Variants in COLGALT1 observed in about 807,000 individuals in gnomAD.
The protein encoded by COLGALT1 is procollagen galactosyltransferase 1.
COLGALT1 carries 43 observed loss-of-function variants against 60.8 expected under a neutral mutation model. The ratio of observed to expected loss-of-function variants is 0.71; its 90% CI spans 0.55 to 0.91. The LOEUF (loss-of-function observed/expected upper bound fraction) is 0.91, where lower values mean the gene tolerates loss of function less well. Among genes scored for constraint, COLGALT1 ranks in the 40% least tolerant of loss-of-function variants. COLGALT1 has a pLI of 0.00. For missense variants in COLGALT1, 845 were observed against 880.0 expected (o/e 0.96, Z 0.50); for synonymous variants, 369 against 374.2 (o/e 0.99, Z 0.16).
chr19:17,581,408 G>A lies in COLGALT1; in HGVS notation c.1833G>A (p.Gln611=), dbSNP rs756517543. ...AGGCCAAGAACTCGGACGTGCTCCA[G>A]TCCCCACTGGACAGTGCTGCCCGGG... ...SREAKNSDVL[Q]SPLDSAARDE... Residue 611 remains glutamine (Q), a synonymous_variant, in exon 12 of 12, where the codon CAG becomes CAA. Coordinates refer to ENST00000252599, the MANE Select transcript of COLGALT1 (RefSeq NM_024656.4). The A allele has an allele frequency of 1.7e-5, 28 of 1,611,310 alleles. No homozygotes were observed. In the South Asian group the frequency reaches 2.9e-4, roughly 16 times the overall value.
intron 6 of COLGALT1, among the ~76,000 whole-genome samples, chr19:17,574,434 G>A (rs185607409): frequency 7.3e-5 from 11 of 151,710 alleles, no homozygotes; most frequent in South Asian, 2.1e-4. Context: ...GGGTTCAAGC[G>A]ATTCCCCTGC....
chr19:17,579,709 G>A (rs1001311156), intron 10 of COLGALT1, 100 bp downstream of exon 10: 18 of 1,456,536 alleles, frequency 1.2e-5, no homozygotes, highest in Non-Finnish European at 1.7e-5. Flanking sequence ...CCTGGGGATG[G>A]GTCATGGCTT....
chr19:17,570,684 GC>G (rs1398992300), intron 5 of COLGALT1, among the ~76,000 whole-genome samples: 1 of 151,950 alleles, frequency 6.6e-6, no homozygotes, highest in African/African-American at 2.4e-5. Context: ...TCCTGCCTTA[GC>G]CTCCCTAGTA....
At position 17,581,909 on chromosome 19, in the gene COLGALT1, ATT is replaced by A. The variant is rs34244232; in HGVS notation, c.*483_*484del. 2.2e-3 allele frequency: 307 copies of A among 140,078 alleles called. No homozygotes were observed. The highest frequency in any genetic ancestry group is 0.01 in the South Asian group (48 of 4,788). 8.7% of individuals were successfully genotyped at this position (140,078 alleles called of 1,614,324 possible). A position where few individuals can be genotyped will look rare whatever the true frequency, so the allele number is the denominator to read the frequency against. ...GTTGGGTGCCATTCCAGGCTCTGGG[ATT>A]TTTTTTTTTTTTTTTTTAAGAGTAG... On this transcript the variant is annotated 3_prime_UTR_variant, in exon 12 of 12. Transcript: ENST00000252599.
chr19:17,577,007 G>GGGCCTGGGGTGAGGCCAGGGCTATGT, intron 6 of COLGALT1, 188 bp from the exon 7 acceptor site: 1 of 361,450 alleles, frequency 2.8e-6, no homozygotes, highest in Non-Finnish European at 5.1e-6. Flanking sequence ...CAGGGCTTTG[G>GGGCCTGGGGTGAGGCCAGGGCTATGT]GCTGCTGTGC....
At chr19:17,578,534 G>C (rs1030687516) in intron 9 of COLGALT1, among the ~76,000 whole-genome samples, 2 of 152,280 alleles carry the variant, frequency 1.3e-5, no homozygotes, top group African/African-American at 4.8e-5. Context: ...ATTGGAGGAG[G>C]GTGTCTGACT....
At chr19:17,564,062 C>CA (rs1178709209) in intron 3 of COLGALT1, among the ~76,000 whole-genome samples, 2 of 119,728 alleles carry the variant, frequency 1.7e-5, no homozygotes, top group Non-Finnish European at 3.9e-5. Context: ...ATAGTGAGAC[C>CA]CCCCCCATCT....
In COLGALT1 at chr19:17,581,589, A is replaced by G. The variant is rs1265846693; in HGVS notation, c.*145A>G. The G allele has an allele frequency of 2.8e-6, 3 of 1,072,136 alleles. No homozygotes were observed. Among genetic ancestry groups the G allele is most frequent in the Non-Finnish European group, 3.9e-6 (3 of 764,924 alleles). 66.4% of individuals were successfully genotyped at this position (1,072,136 alleles called of 1,614,324 possible). On this transcript the variant is annotated 3_prime_UTR_variant, in exon 12 of 12. Transcript: ENST00000252599. The stretch of plus-strand genomic sequence containing the variant: ...GTGTCCAGCCAGCTCTTGCTAAGCA[A>G]TCACGTGCACACAGGCAGCATTAAT...
chr19:17,577,004 T>TGGGGGCGGGGTGAAGCTGGGGTC (rs1599793355), intron 6 of COLGALT1, 191 bp from the exon 7 acceptor site: 1 of 303,302 alleles, frequency 3.3e-6, no homozygotes. Flanking sequence ...GGCCAGGGCT[T>TGGGGGCGGGGTGAAGCTGGGGTC]TGGGCTGCTG....
chr19:17,558,405 C>T (rs2076227096), intron 1 of COLGALT1, among the ~76,000 whole-genome samples: 1 of 147,818 alleles, frequency 6.8e-6, no homozygotes, highest in Non-Finnish European at 1.5e-5. Flanking sequence ...TTGCCGTGTG[C>T]GGTGGCTCAT....
In COLGALT1 at chr19:17,559,454, G is replaced by A. The variant is rs753425436; in HGVS notation, c.371+33G>A. 5.3e-6 allele frequency: 8 copies of A among 1,505,440 alleles called. No homozygotes were observed. In the African/African-American group the frequency reaches 9.7e-5, roughly 18 times the overall value. The allele number at this position is 1,505,440 out of a possible 1,614,324, so 93.3% of individuals were successfully genotyped here. A position where few individuals can be genotyped will look rare whatever the true frequency, so the allele number is the denominator to read the frequency against. ...TCTTTCCCCTGCTCCTAGTCTGATT[G>A]GGCTTTGCCTCTGCTCACACACCCT... On this transcript the variant is annotated intron_variant, in intron 2 of 11. Transcript: ENST00000252599.
chr19:17,560,530 G>A (rs763168355), intron 3 of COLGALT1, 65 bp downstream of exon 3: 13 of 1,274,830 alleles, frequency 1.0e-5, no homozygotes, highest in Non-Finnish European at 1.4e-5. Context: ...GGAAGGCGGA[G>A]CAGCAGGATG....
rs1480898944 is a variant in COLGALT1, at chr19:17,577,269, G to A, written c.1024G>A (p.Glu342Lys). The change falls in exon 7 of 12, where the codon GAG (glutamate) becomes AAG (lysine). Residue 342 changes from glutamate (E) to lysine (K), a missense_variant and splice_region_variant. Physicochemically the swap from Glu to Lys is moderately conservative, Grantham distance 56. Coordinates refer to ENST00000252599, the MANE Select transcript of COLGALT1 (RefSeq NM_024656.4). The stretch of plus-strand genomic sequence containing the variant: ...GACACCGGACAAGATGGGCTTCGAC[G>A]AGGTGAGCTGGGCCTTCCCTGGAGG... ...TKTPDKMGFD[E>K]VFMINLRRRQ... 1.9e-6 allele frequency: 3 copies of A among 1,613,042 alleles called. No individual in the cohort carries two copies. The highest frequency in any genetic ancestry group is 2.5e-6 in the Non-Finnish European group (3 of 1,179,664).
intron 1 of COLGALT1, among the ~76,000 whole-genome samples, chr19:17,557,549 C>T (rs920101363): frequency 1.3e-5 from 2 of 152,006 alleles, no homozygotes; most frequent in Non-Finnish European, 2.9e-5. Context: ...ATCTGCCTGC[C>T]TCGGCCTCCC....
chr19:17,577,165 C>G (rs2076348252), intron 6 of COLGALT1, 30 bp from the exon 7 acceptor site: 2 of 1,609,318 alleles, frequency 1.2e-6, no homozygotes, highest in African/African-American at 2.7e-5. Context: ...CTCCTTACCC[C>G]AGCGACTCCT....
At chr19:17,562,722 G>A (rs571106451) in intron 3 of COLGALT1, among the ~76,000 whole-genome samples, 4 of 152,098 alleles carry the variant, frequency 2.6e-5, no homozygotes, top group Admixed American at 6.6e-5. Flanking sequence ...GGGTATCAGC[G>A]ATTGATGGAC....
intron 9 of COLGALT1, among the ~76,000 whole-genome samples, chr19:17,578,429 G>T (rs1024900078): frequency 6.6e-6 from 1 of 152,124 alleles, no homozygotes; most frequent in African/African-American, 2.4e-5. Context: ...AGAAGTCATG[G>T]CCACAGAGCC....
rs572778630 is a variant in COLGALT1 at position 17,565,671 on chromosome 19, A to AAAAC, written c.490-1719_490-1716dup. ...GGTGACTGAGCAAGACTCTGTCTCA[A>AAAAC]AAACAAACAAACAAACAAAGAAGCT... is the stretch of plus-strand genomic sequence containing the variant. On this transcript the variant is annotated intron_variant, in intron 3 of 11. Transcript: ENST00000252599. 1.3e-3 allele frequency among the ~76,000 whole-genome samples: 200 copies of AAAAC among 152,270 alleles called. 1 individual carries two copies. Among genetic ancestry groups the AAAAC allele is most frequent in the African/African-American group, 4.5e-3 (188 of 41,554 alleles).
chr19:17,562,640 C>T (rs1180508531), intron 3 of COLGALT1, among the ~76,000 whole-genome samples: 5 of 150,192 alleles, frequency 3.3e-5, no homozygotes, highest in East Asian at 1.9e-4. Flanking sequence ...CCAGCCTGGG[C>T]GACAGAGTGA....
Sources: gnomAD v4.1 joint callset for allele counts (sites outside exome capture counted in the v4.1 genomes callset) on GRCh38, gnomAD v4.1.1 for gene constraint, MANE v1.5 for transcripts, NCBI Gene and HGNC (gene_info 2026-07-23, HGNC 2026-07-21) for gene names.